DCDC1: variants seen among roughly 807,000 people sequenced by gnomAD.
The protein encoded by DCDC1 is doublecortin domain-containing protein 1.
In DCDC1, 200 loss-of-function variants were observed where a neutral mutation model predicts 178.3. That is an observed-to-expected ratio of 1.12 (90% CI 1.00 to 1.26). The LOEUF (loss-of-function observed/expected upper bound fraction) is 1.26. Ranked by LOEUF, DCDC1 falls within the 50% of genes most tolerant of loss-of-function variation. The pLI is 0.00. For synonymous variants in DCDC1, 690 were observed against 604.8 expected, an observed-to-expected ratio of 1.14 and a Z score of -2.07; for missense variants, 1,983 against 1,749.2, an observed-to-expected ratio of 1.13 and a Z score of -2.38.
chr11:31,253,784 A>G (rs969011032), intron 8 of DCDC1, among the ~76,000 whole-genome samples: 24 of 152,194 alleles, frequency 1.6e-4, no homozygotes, highest in Non-Finnish European at 1.5e-5. Context: ...ACATATAACT[A>G]ATACCAATTT....
chr11:31,301,549 T>C (rs1346708698), intron 6 of DCDC1, among the ~76,000 whole-genome samples: 2 of 152,186 alleles, frequency 1.3e-5, no homozygotes, highest in African/African-American at 4.8e-5. Context: ...AGTAGACATA[T>C]AATGGAAGAG....
At chr11:30,997,933 C>T (rs951869412) in intron 20 of DCDC1, among the ~76,000 whole-genome samples, 2 of 151,982 alleles carry the variant, frequency 1.3e-5, no homozygotes, top group African/African-American at 4.8e-5. Context: ...TTCTATATTG[C>T]AGCAAGGAAC....
intron 1 of DCDC1, among the ~76,000 whole-genome samples, chr11:31,355,591 A>T (rs1294324990): frequency 6.6e-6 from 1 of 151,886 alleles, no homozygotes; most frequent in Admixed American, 6.6e-5. Context: ...TTTTTAAGTC[A>T]GAGTCTTGCT....
At chr11:30,961,397 T>C (rs1949088974) in intron 20 of DCDC1, among the ~76,000 whole-genome samples, 2 of 152,072 alleles carry the variant, frequency 1.3e-5, no homozygotes, top group South Asian at 4.1e-4. Context: ...TGGTACAGTA[T>C]ATAACAGATA....
chr11:31,288,744 CACTT>C (rs937128317), intron 7 of DCDC1, among the ~76,000 whole-genome samples: 3 of 151,654 alleles, frequency 2.0e-5, no homozygotes, highest in Non-Finnish European at 3.0e-5. Context: ...AAGACTATGC[CACTT>C]ACTTATTTCT....
intron 3 of DCDC1, among the ~76,000 whole-genome samples, chr11:31,310,688 G>A (rs1948722691): frequency 6.6e-6 from 1 of 152,040 alleles, no homozygotes; most frequent in African/African-American, 2.4e-5. Context: ...GTGTTGGAAA[G>A]GATGATTACA....
chr11:31,256,108 C>T (rs376903072), intron 8 of DCDC1, among the ~76,000 whole-genome samples: 7 of 152,162 alleles, frequency 4.6e-5, no homozygotes, highest in African/African-American at 1.7e-4. Context: ...GGTCTTGACA[C>T]CTTTGTCAAA....
In DCDC1 at chr11:31,116,841, CATCA is replaced by C. The variant is rs1960038832; in HGVS notation, c.1486-6484_1486-6481del. Among the ~76,000 whole-genome samples, 9 of 152,124 alleles carry C rather than the reference CATCA, an allele frequency of 5.9e-5. No individual in the cohort carries two copies. In the South Asian group the frequency reaches 1.9e-3, roughly 32 times the overall value. On this transcript the variant is annotated intron_variant, in intron 11 of 38. Transcript: ENST00000684477. ...AACAAATTACATAATTCTTAAACTT[CATCA>C]ATCTAAATGGTAACTGGACCAACAA...
chr11:30,904,682 G>A (rs1944935340), intron 31 of DCDC1: 2 of 424,440 alleles, frequency 4.7e-6, no homozygotes, highest in East Asian at 4.2e-5. Context: ...CAAGAAGGAA[G>A]AAAATCCAGT....
At chr11:31,271,175 C>G (rs1945521168) in intron 7 of DCDC1, among the ~76,000 whole-genome samples, 1 of 152,166 alleles carries the variant, frequency 6.6e-6, no homozygotes, top group African/African-American at 2.4e-5. Context: ...CCTCATCTTA[C>G]TGCTATCAAA....
At chr11:31,016,670 C>CT (rs1307672363) in intron 20 of DCDC1, among the ~76,000 whole-genome samples, 12 of 152,132 alleles carry the variant, frequency 7.9e-5, no homozygotes, top group African/African-American at 2.7e-4. Flanking sequence ...CTGCAAAGGC[C>CT]TATAGGCTTG....
intron 11 of DCDC1, among the ~76,000 whole-genome samples, chr11:31,113,108 C>G (rs1396902943): frequency 6.6e-6 from 1 of 152,038 alleles, no homozygotes; most frequent in Non-Finnish European, 1.5e-5. Flanking sequence ...CAATGCAAAA[C>G]TAGTTATGAA....
At chr11:31,275,297 T>G (rs2137216488) in intron 7 of DCDC1, among the ~76,000 whole-genome samples, 1 of 152,308 alleles carries the variant, frequency 6.6e-6, no homozygotes, top group Non-Finnish European at 1.5e-5. Flanking sequence ...CCAATTCTTT[T>G]TAGTACCAGA....
chr11:31,324,453 T>C (rs969268517), intron 3 of DCDC1, among the ~76,000 whole-genome samples: 19 of 152,078 alleles, frequency 1.2e-4, no homozygotes, highest in African/African-American at 3.6e-4. Flanking sequence ...AACAATGATC[T>C]AGTCTTTTAA....
chr11:31,107,168 AG>A (rs1958907014), intron 12 of DCDC1, among the ~76,000 whole-genome samples: 1 of 152,164 alleles, frequency 6.6e-6, no homozygotes, highest in South Asian at 2.1e-4. Flanking sequence ...TTTAACCAGC[AG>A]GGGGGGCCAC....
rs767557890 is a variant in DCDC1, at chr11:31,306,279, C to T, written c.544G>A (p.Gly182Arg). 11 of 1,609,176 alleles carry T rather than the reference C, an allele frequency of 6.8e-6. No individual in the cohort carries two copies. In the South Asian group the frequency reaches 1.0e-4, roughly 15 times the overall value. The change falls in exon 5 of 39, where the codon GGA becomes AGA. Residue 182 changes from glycine (G) to arginine (R), a missense_variant. By Grantham distance (125) the Gly-to-Arg change is moderately radical. Coordinates refer to ENST00000684477, the MANE Select transcript of DCDC1 (RefSeq NM_001387274.1). ...RVIKVTAYKN[G>R]SRTVFARVTV... ...ACTCTGGCAAAGACTGTTCTAGATC[C>T]ATTTTTGTAAGCTGTTACTTTAATC...
At chr11:30,925,627 G>T (rs1042603015) in intron 22 of DCDC1, among the ~76,000 whole-genome samples, 1 of 152,122 alleles carries the variant, frequency 6.6e-6, no homozygotes, top group African/African-American at 2.4e-5. Flanking sequence ...TCTAAGGCTA[G>T]ATTTCTTACC....
chr11:30,977,018 G>A (rs1950140257), intron 20 of DCDC1, among the ~76,000 whole-genome samples: 1 of 152,116 alleles, frequency 6.6e-6, no homozygotes, highest in Non-Finnish European at 1.5e-5. Context: ...ATGAAATCAT[G>A]TCATTTGCAG....
chr11:31,185,178 G>T (rs1449245509), intron 9 of DCDC1, among the ~76,000 whole-genome samples: 1 of 152,140 alleles, frequency 6.6e-6, no homozygotes, highest in South Asian at 2.1e-4. Context: ...CAAACACTGC[G>T]TGTTCTCACT....
Sources: gnomAD v4.1 joint callset for allele counts (sites outside exome capture counted in the v4.1 genomes callset) on GRCh38, gnomAD v4.1.1 for gene constraint, MANE v1.5 for transcripts, NCBI Gene and HGNC (gene_info 2026-07-23, HGNC 2026-07-21) for gene names.